Variants in NCAM2 observed in about 807,000 individuals in gnomAD.
NCAM2 encodes the protein N-CAM-2.
A neutral mutation model predicts 98.1 loss-of-function variants in NCAM2; 30 were observed. The ratio of observed to expected loss-of-function variants is 0.31; its 90% CI spans 0.23 to 0.41. The LOEUF (loss-of-function observed/expected upper bound fraction) is 0.41, where lower values mean the gene tolerates loss of function less well. Among genes scored for constraint, NCAM2 ranks in the 10% least tolerant of loss-of-function variants. The pLI is 1.00. For missense variants in NCAM2, 867 were observed against 1,005.8 expected (o/e 0.86, Z 1.87); for synonymous variants, 368 against 342.4 (o/e 1.07, Z -0.83).
chr21:21,083,834 A>G (rs1437704891), intron 1 of NCAM2, among the ~76,000 whole-genome samples: 1 of 152,194 alleles, frequency 6.6e-6, no homozygotes, highest in East Asian at 1.9e-4. Flanking sequence ...GCATTTTGGA[A>G]AATGGTAATG....
intron 10 of NCAM2, among the ~76,000 whole-genome samples, chr21:21,411,618 C>T (rs910421523): frequency 6.6e-6 from 1 of 151,992 alleles, no homozygotes; most frequent in African/African-American, 2.4e-5. Flanking sequence ...AATTATGATG[C>T]GGTTAGGAAA....
chr21:21,221,988 A>G (rs143854874), intron 1 of NCAM2, among the ~76,000 whole-genome samples: 111 of 152,262 alleles, frequency 7.3e-4, no homozygotes, highest in Non-Finnish European at 1.2e-3. Flanking sequence ...TTTGAAGCCA[A>G]TGCTTATTTA....
chr21:21,200,537 G>A lies in NCAM2; in HGVS notation c.56-80041G>A, dbSNP rs78908633. 0.01 allele frequency among the ~76,000 whole-genome samples: 1,533 copies of A among 151,944 alleles called. 64 individuals carry two copies. The East Asian group carries it at 0.16, about 16-fold the overall frequency. On this transcript the variant is annotated intron_variant, in intron 1 of 17. Coordinates refer to ENST00000400546, the MANE Select transcript of NCAM2 (RefSeq NM_004540.5). ...AGGTGGCCAGATAAAACTGTCAAAT[G>A]CAATTTATAAAGCCTTAGAACTTTC...
At chr21:21,233,257 G>GGA (rs1415113428) in intron 1 of NCAM2, among the ~76,000 whole-genome samples, 1 of 151,272 alleles carries the variant, frequency 6.6e-6, no homozygotes, top group African/African-American at 2.4e-5. Context: ...TTTTTGCCTT[G>GGA]GAAACATCCT....
chr21:21,444,567 G>A (rs757666833), intron 12 of NCAM2, among the ~76,000 whole-genome samples: 3 of 152,086 alleles, frequency 2.0e-5, no homozygotes, highest in African/African-American at 4.8e-5. Flanking sequence ...TCATGGGAGG[G>A]TGTATGTGTC....
intron 16 of NCAM2, among the ~76,000 whole-genome samples, chr21:21,521,515 G>A (rs1238142214): frequency 1.3e-5 from 2 of 152,136 alleles, no homozygotes; most frequent in African/African-American, 4.8e-5. Context: ...TGAGTAACAT[G>A]CTAAGAACTC....
At chr21:21,388,269 CT>C (rs2076311108) in intron 9 of NCAM2, among the ~76,000 whole-genome samples, 1 of 152,124 alleles carries the variant, frequency 6.6e-6, no homozygotes, top group Non-Finnish European at 1.5e-5. Context: ...ATTTGGAGGT[CT>C]TTTGGAGTGA....
chr21:21,335,704 A>G (rs762029622), intron 7 of NCAM2, 39 bp downstream of exon 7: 24 of 1,444,746 alleles, frequency 1.7e-5, no homozygotes, highest in African/African-American at 4.3e-5. Flanking sequence ...TGTTATGTCT[A>G]TTGGAAGATC....
At chr21:21,040,600 C>G (rs2064884939) in intron 1 of NCAM2, among the ~76,000 whole-genome samples, 1 of 151,206 alleles carries the variant, frequency 6.6e-6, no homozygotes, top group African/African-American at 2.4e-5. Flanking sequence ...ACCGTTCAGT[C>G]TTAAAAAAAA....
chr21:21,139,142 A>G (rs1279437075), intron 1 of NCAM2, among the ~76,000 whole-genome samples: 1 of 152,252 alleles, frequency 6.6e-6, no homozygotes, highest in East Asian at 1.9e-4. Flanking sequence ...CTTTATAAGA[A>G]AAAGGCAGAG....
At chr21:21,394,679 G>T (rs895156738) in intron 9 of NCAM2, among the ~76,000 whole-genome samples, 1 of 151,382 alleles carries the variant, frequency 6.6e-6, no homozygotes, top group African/African-American at 2.4e-5. Context: ...AGTAGAGACG[G>T]GGTTTCACTG....
intron 1 of NCAM2, among the ~76,000 whole-genome samples, chr21:21,202,322 C>A (rs746495046): frequency 4.0e-5 from 6 of 151,068 alleles, no homozygotes; most frequent in Non-Finnish European, 7.4e-5. Flanking sequence ...TAGTGCCTGG[C>A]ACCAAATAAA....
At chr21:21,280,338 A>G (rs937500131) in intron 1 of NCAM2, among the ~76,000 whole-genome samples, 1 of 152,170 alleles carries the variant, frequency 6.6e-6, no homozygotes, top group African/African-American at 2.4e-5. Context: ...TACTTGACTA[A>G]CAGAATTTCA....
chr21:21,425,645 C>CA (rs34456403), intron 11 of NCAM2, among the ~76,000 whole-genome samples: 35,648 of 144,750 alleles, frequency 0.25, 4,389 homozygotes, highest in East Asian at 0.46. Context: ...TGTATAAGAA[C>CA]AAAAAAAAAA....
rs550969952 is a variant in NCAM2, at chr21:21,355,562, A to G, written c.1044+17028A>G. Among the ~76,000 whole-genome samples the G allele has an allele frequency of 2.9e-4, 44 of 150,226 alleles. No individual in the cohort carries two copies. The East Asian group carries it at 7.9e-3, about 27-fold the overall frequency. On this transcript the variant is annotated intron_variant, in intron 8 of 17. Transcript: ENST00000400546. ...GGAGAGAGGGAGGGACGGAGGAAAGAAGGAAGGAAGGAAGGAAGGAAAAAG... is the reference window on the plus strand; with the variant it reads ...GGAGAGAGGGAGGGACGGAGGAAAGGAGGAAGGAAGGAAGGAAGGAAAAAG...
At chr21:21,292,320 C>A in intron 5 of NCAM2, 79 bp downstream of exon 5, 2 of 1,398,180 alleles carry the variant, frequency 1.4e-6, no homozygotes, top group South Asian at 2.7e-5. Flanking sequence ...CATGTGAACT[C>A]AAAATACAAG....
intron 1 of NCAM2, among the ~76,000 whole-genome samples, chr21:21,067,852 T>C (rs1477034904): frequency 1.3e-5 from 2 of 152,176 alleles, no homozygotes; most frequent in Non-Finnish European, 2.9e-5. Flanking sequence ...TTATGGAATA[T>C]AGCCCATTGA....
chr21:21,167,161 G>A (rs2067979109), intron 1 of NCAM2, among the ~76,000 whole-genome samples: 1 of 151,786 alleles, frequency 6.6e-6, no homozygotes, highest in Non-Finnish European at 1.5e-5. Context: ...TGAGTGGGTG[G>A]GAATTAAAGT....
intron 1 of NCAM2, among the ~76,000 whole-genome samples, chr21:21,072,050 C>T (rs1398638146): frequency 1.3e-5 from 2 of 151,636 alleles, no homozygotes; most frequent in East Asian, 1.9e-4. Context: ...GTAGCTGGGA[C>T]TACAGGCACC....
Sources: allele counts gnomAD v4.1 joint callset (sites outside exome capture counted in the v4.1 genomes callset), GRCh38; gene constraint gnomAD v4.1.1; transcripts MANE v1.5; gene names NCBI Gene and HGNC (gene_info 2026-07-23, HGNC 2026-07-21).